Variants in LOXL2 observed in about 807,000 individuals in gnomAD.
The protein encoded by LOXL2 is lysyl oxidase homolog 2.
LOXL2 carries 70 observed loss-of-function variants against 93.0 expected under a neutral mutation model. The observed-to-expected ratio is 0.75, with a 90% CI of 0.62 to 0.92. The LOEUF (loss-of-function observed/expected upper bound fraction) is 0.92, where lower values mean the gene tolerates loss of function less well. Among genes scored for constraint, LOXL2 ranks in the 40% least tolerant of loss-of-function variants. LOXL2 has a pLI of 0.00. For missense variants in LOXL2, 973 were observed against 1,054.9 expected, an observed-to-expected ratio of 0.92 and a Z score of 1.08; for synonymous variants, 438 against 413.2, an observed-to-expected ratio of 1.06 and a Z score of -0.73.
At chr8:23,320,928 C>T (rs1210860652) in intron 7 of LOXL2, among the ~76,000 whole-genome samples, 6 of 151,976 alleles carry the variant, frequency 3.9e-5, no homozygotes, top group African/African-American at 1.4e-4. Context: ...AATAAAAAAC[C>T]AGGAGGAAGG....
chr8:23,380,913 T>C (rs1239445765), intron 1 of LOXL2, among the ~76,000 whole-genome samples: 1 of 152,130 alleles, frequency 6.6e-6, no homozygotes, highest in East Asian at 1.9e-4. Context: ...CTAGGGAGGC[T>C]GAGGCAAAAT....
At position 23,373,051 on chromosome 8, in the gene LOXL2, C is replaced by G. The variant is rs561932721; in HGVS notation, c.-83-4617G>C. Among the ~76,000 whole-genome samples, 7 of 152,242 alleles carry G rather than the reference C, an allele frequency of 4.6e-5. No individual in the cohort carries two copies. The East Asian group carries it at 1.3e-3, about 29-fold the overall frequency. ...ACTACAACAGAATTCAGCTATAAAC[C>G]ATTAATAAAAGAACAAGTAGAAAAT... On this transcript the variant is annotated intron_variant, in intron 1 of 13. Transcript: ENST00000389131.
chr8:23,379,554 C>T (rs1464668408), intron 1 of LOXL2, among the ~76,000 whole-genome samples: 2 of 152,214 alleles, frequency 1.3e-5, no homozygotes, highest in African/African-American at 4.8e-5. Flanking sequence ...CAGAGGCAGG[C>T]AGGCTTCCTT....
chr8:23,303,157 GA>G, intron 11 of LOXL2, 124 bp downstream of exon 11: 1 of 702,514 alleles, frequency 1.4e-6, no homozygotes, highest in South Asian at 1.5e-5. Context: ...TCCAGGTGGG[GA>G]AAGGTGGCAG....
chr8:23,386,072 G>T, intron 1 of LOXL2: 1 of 764,744 alleles, frequency 1.3e-6, no homozygotes, highest in Middle Eastern at 2.3e-4. Flanking sequence ...AGACAGAAAG[G>T]CTACATGATT....
rs765923954 is a variant in LOXL2, at chr8:23,341,157, G to A, written c.578C>T (p.Ser193Leu). Residue 193 changes from serine to leucine, a missense_variant, in exon 4 of 14, where the codon TCA (serine) becomes TTA (leucine). Physicochemically the swap from Ser to Leu is moderately radical, Grantham distance 145. Coordinates refer to ENST00000389131, the MANE Select transcript of LOXL2 (RefSeq NM_002318.3). ...CACTGGGGTGCGCTTGCGGTAGGTT[G>A]AGAGGATGGCTCGAATCCGAATGTC... ...VEDIRIRAIL[S>L]TYRKRTPVME... is the part of the protein sequence containing the mutation. The A allele has an allele frequency of 1.9e-6, 3 of 1,613,776 alleles. No homozygotes were observed. Among genetic ancestry groups the A allele is most frequent in the Middle Eastern group, 3.5e-4 (2 of 5,742 alleles).
At chr8:23,372,026 G>A (rs1563204975) in intron 1 of LOXL2, among the ~76,000 whole-genome samples, 1 of 151,852 alleles carries the variant, frequency 6.6e-6, no homozygotes. Flanking sequence ...AAAAATACTT[G>A]ATTAATCCAA....
intron 9 of LOXL2, among the ~76,000 whole-genome samples, chr8:23,312,376 G>A (rs7837718): frequency 0.016 from 2,214 of 141,610 alleles, 65 homozygotes; most frequent in African/African-American, 0.059. Context: ...ATATCCTTGA[G>A]GAACATTGAT....
intron 2 of LOXL2, chr8:23,363,548 C>T (rs556097692): frequency 1.3e-5 from 2 of 152,140 alleles, no homozygotes; most frequent in East Asian, 1.9e-4. Context: ...AATGTTCTGT[C>T]GCAAAGCTGC....
At chr8:23,301,220 T>C (rs372726223) in intron 12 of LOXL2, among the ~76,000 whole-genome samples, 2 of 152,150 alleles carry the variant, frequency 1.3e-5, no homozygotes, top group Non-Finnish European at 2.9e-5. Context: ...GGTGAGGACG[T>C]AGGAGAGAGT....
chr8:23,325,572 G>C (rs1273272622), intron 6 of LOXL2, among the ~76,000 whole-genome samples: 2 of 152,166 alleles, frequency 1.3e-5, no homozygotes, highest in African/African-American at 4.8e-5. Context: ...GATTACAGGC[G>C]TGAGTCCTGT....
intron 1 of LOXL2, among the ~76,000 whole-genome samples, chr8:23,382,180 C>A (rs926911066): frequency 2.0e-5 from 3 of 152,142 alleles, no homozygotes. Flanking sequence ...TCCCCTTTTT[C>A]AGTTTTTATC....
chr8:23,321,816 A>C (rs1318529756), intron 7 of LOXL2: 5 of 299,882 alleles, frequency 1.7e-5, no homozygotes, highest in Non-Finnish European at 3.1e-5. Context: ...TGTTTTGATA[A>C]GGTTGTGGCT....
intron 1 of LOXL2, among the ~76,000 whole-genome samples, chr8:23,375,133 C>T (rs368203671): frequency 2.0e-5 from 3 of 151,392 alleles, no homozygotes; most frequent in East Asian, 1.9e-4. Flanking sequence ...TAAGGTGTAA[C>T]GAAGGGATCC....
intron 9 of LOXL2, among the ~76,000 whole-genome samples, chr8:23,315,817 T>C (rs1803385708): frequency 1.3e-5 from 2 of 152,238 alleles, no homozygotes; most frequent in South Asian, 4.1e-4. Flanking sequence ...CATCTGTTTT[T>C]ATTTTATGCT....
rs143831180 is a variant in LOXL2 at position 23,327,894 on chromosome 8, C to T, written c.1150+488G>A. 4.6e-5 allele frequency among the ~76,000 whole-genome samples: 7 copies of T among 152,320 alleles called. No individual in the cohort carries two copies. The East Asian group carries it at 7.7e-4, about 17-fold the overall frequency. ...AATTAGTCTGAGGACATCCGGAGGGCGGCTTCTTGTTCCCTTTCTCTGCTG... is the reference window on the plus strand; with the variant it reads ...AATTAGTCTGAGGACATCCGGAGGGTGGCTTCTTGTTCCCTTTCTCTGCTG... On this transcript the variant is annotated intron_variant, in intron 6 of 13. Coordinates refer to ENST00000389131, the MANE Select transcript of LOXL2 (RefSeq NM_002318.3).
At chr8:23,351,423 G>C (rs1410964084) in intron 3 of LOXL2, among the ~76,000 whole-genome samples, 1 of 152,108 alleles carries the variant, frequency 6.6e-6, no homozygotes, top group Non-Finnish European at 1.5e-5. Flanking sequence ...TGTCCCACAG[G>C]TTTCCTCATT....
chr8:23,318,155 G>A (rs10086757), intron 8 of LOXL2, among the ~76,000 whole-genome samples: 14,592 of 146,524 alleles, frequency 0.1, 927 homozygotes, highest in African/African-American at 0.17. Flanking sequence ...TTATCCAATC[G>A]GTTGAGGATC....
At chr8:23,352,062 C>A (rs1360566636) in intron 3 of LOXL2, among the ~76,000 whole-genome samples, 1 of 151,926 alleles carries the variant, frequency 6.6e-6, no homozygotes, top group Non-Finnish European at 1.5e-5. Flanking sequence ...ATCCCCCCCA[C>A]CTTGGCCTCC....
Sources: gnomAD v4.1 joint callset for allele counts (sites outside exome capture counted in the v4.1 genomes callset) on GRCh38, gnomAD v4.1.1 for gene constraint, MANE v1.5 for transcripts, NCBI Gene and HGNC (gene_info 2026-07-23, HGNC 2026-07-21) for gene names.